PDE5A: variants seen among roughly 807,000 people sequenced by gnomAD.
The protein encoded by PDE5A is phosphodiesterase 5A.
A neutral mutation model predicts 110.2 loss-of-function variants in PDE5A; 67 were observed. That is an observed-to-expected ratio of 0.61 (90% CI 0.50 to 0.75). PDE5A has a LOEUF of 0.75. Ranked by LOEUF, PDE5A falls within the 30% of genes least tolerant of loss-of-function variation. The pLI is 0.00. For missense variants in PDE5A, 862 were observed against 1,045.1 expected, an observed-to-expected ratio of 0.82 and a Z score of 2.42; for synonymous variants, 328 against 351.2, an observed-to-expected ratio of 0.93 and a Z score of 0.74.
At chr4:119,576,395 C>A (rs1560623562) in intron 3 of PDE5A, among the ~76,000 whole-genome samples, 1 of 152,178 alleles carries the variant, frequency 6.6e-6, no homozygotes, top group Non-Finnish European at 1.5e-5. Context: ...CTCTTCAGAG[C>A]ACCACACCAC....
At chr4:119,552,954 T>C (rs981751649) in intron 8 of PDE5A, among the ~76,000 whole-genome samples, 1 of 152,050 alleles carries the variant, frequency 6.6e-6, no homozygotes, top group African/African-American at 2.4e-5. Flanking sequence ...GTGTAGTAAA[T>C]GCCCCAAATA....
At chr4:119,567,012 A>G (rs41278071) in intron 4 of PDE5A, 61 bp downstream of exon 4, 36,196 of 1,134,774 alleles carry the variant, frequency 0.032, 700 homozygotes, top group South Asian at 0.061. Context: ...CTAGAGGTGT[A>G]TATACTATAA....
rs149799929 is a variant in PDE5A, at chr4:119,587,635, C to T, written c.831+8888G>A. On this transcript the variant is annotated intron_variant, in intron 3 of 20. Coordinates refer to ENST00000354960, the MANE Select transcript of PDE5A (RefSeq NM_001083.4). ...TCCTGACCTCATGATCCACCTGCCT[C>T]GACTTCCCCAAGTGCTGGGATTACA... 3.6e-3 allele frequency among the ~76,000 whole-genome samples: 554 copies of T among 152,280 alleles called. 3 individuals are homozygous for T. The highest frequency in any genetic ancestry group is 0.013 in the African/African-American group (538 of 41,558).
intron 14 of PDE5A, among the ~76,000 whole-genome samples, chr4:119,511,487 C>T (rs970703828): frequency 6.6e-6 from 1 of 152,074 alleles, no homozygotes; most frequent in Non-Finnish European, 1.5e-5. Flanking sequence ...TTTTCAATTT[C>T]AAAACTGCAA....
chr4:119,531,540 G>T (rs945635687), intron 11 of PDE5A, among the ~76,000 whole-genome samples: 1 of 152,092 alleles, frequency 6.6e-6, no homozygotes, highest in Admixed American at 6.6e-5. Context: ...GCCTCCCAAA[G>T]TGTTGAGATT....
At position 119,582,087 on chromosome 4, in the gene PDE5A, T is replaced by C. The variant is rs748711873; in HGVS notation, c.831+14436A>G. Reference sequence around the variant, plus strand: ...CACGGATTGACTCTTCCTTTCATGATAGATTCCTCTGTAGCATGTGATGCT... The same window carrying C: ...CACGGATTGACTCTTCCTTTCATGACAGATTCCTCTGTAGCATGTGATGCT... On this transcript the variant is annotated intron_variant, in intron 3 of 20. Coordinates refer to ENST00000354960, the MANE Select transcript of PDE5A (RefSeq NM_001083.4). Among the ~76,000 whole-genome samples the C allele has an allele frequency of 7.2e-5, 11 of 152,232 alleles. No homozygotes were observed. In the South Asian group the frequency reaches 1.2e-3, roughly 17 times the overall value.
chr4:119,587,411 C>T (rs1262924850), intron 3 of PDE5A, among the ~76,000 whole-genome samples: 3 of 147,852 alleles, frequency 2.0e-5, no homozygotes, highest in African/African-American at 7.5e-5. Flanking sequence ...GAGTCTCGCT[C>T]TGTCGCCCAG....
chr4:119,586,538 C>T (rs1358346626), intron 3 of PDE5A, among the ~76,000 whole-genome samples: 2 of 152,186 alleles, frequency 1.3e-5, no homozygotes, highest in African/African-American at 2.4e-5. Context: ...ATTTCATTAA[C>T]AATCACCTTA....
chr4:119,539,076 T>C, intron 10 of PDE5A, 57 bp from the exon 11 acceptor site: 3 of 1,279,154 alleles, frequency 2.3e-6, no homozygotes, highest in South Asian at 2.4e-5. Flanking sequence ...ACATGTAGAC[T>C]AGAACTTCAA....
chr4:119,577,241 A>C (rs528582859), intron 3 of PDE5A, among the ~76,000 whole-genome samples: 11 of 152,278 alleles, frequency 7.2e-5, no homozygotes, highest in African/African-American at 2.6e-4. Context: ...ATTCACAGCC[A>C]AATTCTACCA....
At chr4:119,530,393 G>A (rs1726486865) in intron 11 of PDE5A, among the ~76,000 whole-genome samples, 1 of 152,102 alleles carries the variant, frequency 6.6e-6, no homozygotes, top group African/African-American at 2.4e-5. Context: ...GTGAATTACA[G>A]TGTAGGTTGA....
intron 14 of PDE5A, among the ~76,000 whole-genome samples, chr4:119,513,172 C>T (rs1437043243): frequency 2.0e-5 from 3 of 151,976 alleles, no homozygotes; most frequent in African/African-American, 7.3e-5. Flanking sequence ...TCTTTAATAC[C>T]TCTCACTTCT....
intron 15 of PDE5A, among the ~76,000 whole-genome samples, chr4:119,508,588 G>T (rs1725634815): frequency 6.6e-6 from 1 of 151,934 alleles, no homozygotes; most frequent in African/African-American, 2.4e-5. Flanking sequence ...TTGATTAAAG[G>T]ATAACTAGAT....
intron 15 of PDE5A, among the ~76,000 whole-genome samples, chr4:119,510,269 G>A (rs1370786902): frequency 6.6e-6 from 1 of 152,022 alleles, no homozygotes; most frequent in Non-Finnish European, 1.5e-5. Flanking sequence ...GAAAAGTGAT[G>A]GGAATCCCTG....
At chr4:119,584,279 G>C (rs1487905544) in intron 3 of PDE5A, among the ~76,000 whole-genome samples, 1 of 152,160 alleles carries the variant, frequency 6.6e-6, no homozygotes, top group Non-Finnish European at 1.5e-5. Flanking sequence ...AGAAGAGAAA[G>C]GATTAGTCTG....
intron 1 of PDE5A, among the ~76,000 whole-genome samples, chr4:119,608,927 C>T (rs1246472221): frequency 1.3e-5 from 2 of 151,930 alleles, no homozygotes; most frequent in Admixed American, 6.6e-5. Flanking sequence ...TTTGGGAGGC[C>T]GAGGCGGGCG....
chr4:119,545,310 T>C (rs1393471889), intron 9 of PDE5A, among the ~76,000 whole-genome samples: 1 of 152,146 alleles, frequency 6.6e-6, no homozygotes, highest in Admixed American at 6.5e-5. Flanking sequence ...AACTTCTTCC[T>C]TAATGATCTG....
chr4:119,495,425 A>G lies in PDE5A; in HGVS notation c.*3176T>C, dbSNP rs199868992. 6.6e-6 allele frequency: 1 copy of G among 151,646 alleles called. No individual in the cohort carries two copies. The highest frequency in any genetic ancestry group is 2.5e-5 in the African/African-American group (1 of 40,786). The allele number at this position is 151,646 out of a possible 1,614,324, so 9.4% of individuals were successfully genotyped here. A position where few individuals can be genotyped will look rare whatever the true frequency, so the allele number is the denominator to read the frequency against. On this transcript the variant is annotated 3_prime_UTR_variant, in exon 21 of 21. Coordinates refer to ENST00000354960, the MANE Select transcript of PDE5A (RefSeq NM_001083.4). ...TAACGATGACATTTTGTATCCTCTC[A>G]TATTAAATCAATCTTGTAAACAAAA...
At chr4:119,522,891 T>C (rs2110471331) in intron 12 of PDE5A, among the ~76,000 whole-genome samples, 1 of 152,102 alleles carries the variant, frequency 6.6e-6, no homozygotes, top group South Asian at 2.1e-4. Flanking sequence ...GTTCAATACG[T>C]TGAATCAGTC....
Sources: allele counts gnomAD v4.1 joint callset (sites outside exome capture counted in the v4.1 genomes callset), GRCh38; gene constraint gnomAD v4.1.1; transcripts MANE v1.5; gene names NCBI Gene and HGNC (gene_info 2026-07-23, HGNC 2026-07-21).